Variants in TPPP observed in about 807,000 individuals in gnomAD.
The protein encoded by TPPP is tubulin polymerization promoting protein, also known as tubulin polymerization-promoting protein.
A neutral mutation model predicts 15.5 loss-of-function variants in TPPP; 6 were observed. The observed-to-expected ratio is 0.39, with a 90% CI of 0.21 to 0.77. The LOEUF (loss-of-function observed/expected upper bound fraction) is 0.77. TPPP is among the 30% of genes least tolerant of loss of function. The pLI, the probability that TPPP is intolerant of heterozygous loss-of-function variation, is 0.42. For synonymous variants in TPPP, 146 were observed against 133.9 expected (o/e 1.09, Z -0.63); for missense variants, 269 against 307.2 (o/e 0.88, Z 0.93).
chr5:676,980 C>T (rs73030867), intron 2 of TPPP, among the ~76,000 whole-genome samples: 31,278 of 119,642 alleles, frequency 0.26, 6,788 homozygotes, highest in African/African-American at 0.6. Flanking sequence ...AACGCACACA[C>T]GACGCAGAAA....
chr5:698,252 A>G (rs571732231), upstream of TPPP, among the ~76,000 whole-genome samples: 5 of 152,182 alleles, frequency 3.3e-5, no homozygotes, highest in East Asian at 1.9e-4. Flanking sequence ...AAGAACTGGT[A>G]TAAGACATGG....
At chr5:700,556 A>G in the TPPP span, among the ~76,000 whole-genome samples, 3 of 152,018 alleles carry the variant, frequency 2.0e-5, no homozygotes, top group Non-Finnish European at 4.4e-5. Flanking sequence ...TATGCATGGA[A>G]GAAATCTGCA....
chr5:665,956 C>T lies in TPPP; in HGVS notation c.465+14G>A, dbSNP rs1306481690. 6.7e-7 allele frequency: 1 copy of T among 1,485,100 alleles called. No individual in the cohort carries two copies. Among genetic ancestry groups the T allele is most frequent in the Non-Finnish European group, 9.1e-7 (1 of 1,102,010 alleles). 92.0% of individuals were successfully genotyped at this position (1,485,100 alleles called of 1,614,324 possible). On this transcript the variant is annotated intron_variant, in intron 3 of 3. Transcript: ENST00000360578. ...CCCCCTCCAGGCCCCGCCTTCCATC[C>T]CCGCCCTGCTCACCGTCACCCCTGA... is the stretch of plus-strand genomic sequence containing the variant.
chr5:669,257 A>T (rs1203662808), intron 2 of TPPP, among the ~76,000 whole-genome samples: 1 of 146,680 alleles, frequency 6.8e-6, no homozygotes, highest in Admixed American at 6.8e-5. Context: ...GTCCAGCAGC[A>T]TCCCCCAGGG....
the TPPP span, among the ~76,000 whole-genome samples, chr5:699,804 T>C: frequency 1.4e-5 from 2 of 145,950 alleles, no homozygotes; most frequent in African/African-American, 2.5e-5. Context: ...CAGCCATTTT[T>C]ACAAAGAAGA....
intron 1 of TPPP, among the ~76,000 whole-genome samples, chr5:680,724 T>A (rs1244189904): frequency 6.6e-6 from 1 of 151,994 alleles, no homozygotes; most frequent in Non-Finnish European, 1.5e-5. Flanking sequence ...GGGTGTGTGC[T>A]GAGGGGTCTC....
chr5:673,708 C>G lies in TPPP; in HGVS notation c.311+4042G>C, dbSNP rs187397464. 4.6e-5 allele frequency among the ~76,000 whole-genome samples: 7 copies of G among 152,294 alleles called. No homozygotes were observed. In the East Asian group the frequency reaches 1.2e-3, roughly 25 times the overall value. On this transcript the variant is annotated intron_variant, in intron 2 of 3. Coordinates refer to ENST00000360578, the MANE Select transcript of TPPP (RefSeq NM_007030.3). ...GCTGGCACACCCCAAGGCTGGTCCC[C>G]GGCCCCACACTGGGGAGGTGAATGT... is the stretch of plus-strand genomic sequence containing the variant.
chr5:669,551 T>C (rs73730906), intron 2 of TPPP, among the ~76,000 whole-genome samples: 3,711 of 152,166 alleles, frequency 0.024, 161 homozygotes, highest in African/African-American at 0.084. Context: ...CTGCCCAAGC[T>C]GACATGCGGA....
intron 2 of TPPP, among the ~76,000 whole-genome samples, chr5:672,577 G>A (rs1451583264): frequency 3.9e-5 from 6 of 152,210 alleles, no homozygotes; most frequent in Admixed American, 6.5e-5. Flanking sequence ...GCAGACCCTC[G>A]CCCAGAGGCT....
Position 664,948 on chromosome 5 carries a change from G to T in TPPP, c.*154C>A. On this transcript the variant is annotated 3_prime_UTR_variant, in exon 4 of 4. Transcript: ENST00000360578. ...GCTGGGGGCATCCGGTAGGAGGAGG[G>T]GCAGGAGGGAGGCCTGGGCCTGGCC... 2.5e-6 allele frequency: 2 copies of T among 810,282 alleles called. No individual in the cohort carries two copies. The highest frequency in any genetic ancestry group is 3.8e-6 in the Non-Finnish European group (2 of 522,462). 50.2% of individuals were successfully genotyped at this position (810,282 alleles called of 1,614,324 possible). A position where few individuals can be genotyped will look rare whatever the true frequency, so the allele number is the denominator to read the frequency against.
chr5:692,796 G>A (rs1246016862), intron 1 of TPPP: 1 of 951,488 alleles, frequency 1.1e-6, no homozygotes, highest in African/African-American at 1.8e-5. Context: ...TCTGTGGCCA[G>A]GGATCTCTCA....
intron 1 of TPPP, among the ~76,000 whole-genome samples, chr5:681,066 C>T (rs1295018596): frequency 3.3e-5 from 5 of 152,194 alleles, no homozygotes; most frequent in South Asian, 2.1e-4. Flanking sequence ...AGGTGTCAGA[C>T]GGACAACGAG....
chr5:668,373 T>G lies in TPPP; in HGVS notation c.312-2250A>C, dbSNP rs116325023. ...TGCGGACAAGCACACTGGAGAGGGG[T>G]CCGCGTGGGCCTCGTCAGGGAAGTA... On this transcript the variant is annotated intron_variant, in intron 2 of 3. Transcript: ENST00000360578. Among the ~76,000 whole-genome samples, 660 of 73,720 alleles carry G rather than the reference T, an allele frequency of 9.0e-3. 46 individuals carry two copies. The highest frequency in any genetic ancestry group is 0.041 in the African/African-American group (574 of 14,020). 48.4% of individuals were successfully genotyped at this position (73,720 alleles called of 152,430 possible).
chr5:667,756 G>T (rs1362300919), intron 2 of TPPP, among the ~76,000 whole-genome samples: 1 of 152,208 alleles, frequency 6.6e-6, no homozygotes, highest in Non-Finnish European at 1.5e-5. Flanking sequence ...GACACCACCA[G>T]AGAAGACACG....
rs1739698675 is a variant in TPPP at position 662,867 on chromosome 5, CTG to C, written c.*2233_*2234del. The C allele has an allele frequency of 7.0e-6, 1 of 143,870 alleles. No homozygotes were observed. Among genetic ancestry groups the C allele is most frequent in the South Asian group, 2.2e-4 (1 of 4,612 alleles). 8.9% of individuals were successfully genotyped at this position (143,870 alleles called of 1,614,324 possible). A position where few individuals can be genotyped will look rare whatever the true frequency, so the allele number is the denominator to read the frequency against. On this transcript the variant is annotated 3_prime_UTR_variant, in exon 4 of 4. Transcript: ENST00000360578. ...TCGGGTGATTCCGGTGGCCACTCGT[CTG>C]TGATCGGGTGATTCCGATGACTGCT...
At position 668,255 on chromosome 5, in the gene TPPP, G is replaced by C. The variant is rs76677870; in HGVS notation, c.312-2132C>G. On this transcript the variant is annotated intron_variant, in intron 2 of 3. Coordinates refer to ENST00000360578, the MANE Select transcript of TPPP (RefSeq NM_007030.3). ...CGTGTGGGCGCCGTCAGGGAAGTGC[G>C]GACAAGCACACGGAGAGGGGTCCGC... Among the ~76,000 whole-genome samples the C allele has an allele frequency of 9.4e-3, 300 of 31,994 alleles. 12 individuals carry two copies. Among genetic ancestry groups the C allele is most frequent in the African/African-American group, 0.077 (258 of 3,330 alleles). The allele number at this position is 31,994 out of a possible 152,430, so 21.0% of individuals were successfully genotyped here. A position where few individuals can be genotyped will look rare whatever the true frequency, so the allele number is the denominator to read the frequency against.
chr5:672,013 T>C (rs1409176314), intron 2 of TPPP, among the ~76,000 whole-genome samples: 1 of 152,334 alleles, frequency 6.6e-6, no homozygotes, highest in South Asian at 2.1e-4. Flanking sequence ...TCACACACAG[T>C]GCTCTGAGGA....
intron 1 of TPPP, among the ~76,000 whole-genome samples, chr5:688,160 C>T (rs1282301715): frequency 1.6e-5 from 2 of 123,972 alleles, no homozygotes; most frequent in African/African-American, 2.9e-5. Flanking sequence ...ATCCCAGACT[C>T]AACGGCTCCA....
Position 673,200 on chromosome 5 carries a change from G to A in TPPP, c.311+4550C>T, listed in dbSNP as rs113902720. On this transcript the variant is annotated intron_variant, in intron 2 of 3. Transcript: ENST00000360578. Reference sequence around the variant, plus strand: ...GCCGCCACCACCCCTTGCTTTCCCCGGAAATCGAAGGAAAATCTCTAGTGT... The same window carrying A: ...GCCGCCACCACCCCTTGCTTTCCCCAGAAATCGAAGGAAAATCTCTAGTGT... Among the ~76,000 whole-genome samples the A allele has an allele frequency of 3.9e-4, 60 of 152,256 alleles. 1 individual carries two copies. The highest frequency in any genetic ancestry group is 9.6e-4 in the African/African-American group (40 of 41,548).
Sources: allele counts gnomAD v4.1 joint callset (sites outside exome capture counted in the v4.1 genomes callset), GRCh38; gene constraint gnomAD v4.1.1; transcripts MANE v1.5; gene names NCBI Gene and HGNC (gene_info 2026-07-23, HGNC 2026-07-21).